The following DIAPH3 variants were observed in gnomAD, a reference collection of about 807,000 sequenced individuals.
DIAPH3 encodes diaphanous related formin 3, also known as protein diaphanous homolog 3.
Under a neutral mutation model 144.3 loss-of-function variants are expected in DIAPH3, and 117 were observed. The observed-to-expected ratio is 0.81, with a 90% CI of 0.70 to 0.95. The LOEUF is 0.95. Among genes scored for constraint, DIAPH3 ranks in the 40% least tolerant of loss-of-function variants. DIAPH3 has a pLI of 0.00. For synonymous variants in DIAPH3, 519 were observed against 488.9 expected (o/e 1.06, Z -0.81); for missense variants, 1,421 against 1,412.7 (o/e 1.01, Z -0.09).
intron 22 of DIAPH3, among the ~76,000 whole-genome samples, chr13:59,839,879 T>C (rs964288774): frequency 6.6e-6 from 1 of 152,242 alleles, no homozygotes; most frequent in Non-Finnish European, 1.5e-5. Flanking sequence ...AAAGTGTTTT[T>C]TATTGTCCAA....
intron 4 of DIAPH3, among the ~76,000 whole-genome samples, chr13:60,070,575 G>A (rs2057166965): frequency 6.6e-6 from 1 of 152,100 alleles, no homozygotes; most frequent in African/African-American, 2.4e-5. Context: ...GGGAGAAAAT[G>A]CCCTGGCATC....
intron 5 of DIAPH3, among the ~76,000 whole-genome samples, chr13:60,020,606 C>G (rs2141018237): frequency 6.6e-6 from 1 of 152,278 alleles, no homozygotes; most frequent in East Asian, 1.9e-4. Context: ...TCAAGCAAAT[C>G]CTCTCACCTT....
intron 20 of DIAPH3, among the ~76,000 whole-genome samples, chr13:59,901,085 T>C (rs1042578779): frequency 6.6e-6 from 1 of 152,230 alleles, no homozygotes; most frequent in Non-Finnish European, 1.5e-5. Context: ...AAATAGCTTG[T>C]TAACCAGTCA....
chr13:59,965,539 TAAAAAAAA>T (rs34273562), intron 17 of DIAPH3, among the ~76,000 whole-genome samples: 1 of 145,278 alleles, frequency 6.9e-6, no homozygotes, highest in African/African-American at 2.5e-5. Flanking sequence ...TCCAATCTGG[TAAAAAAAA>T]AAAAAAAAAT....
intron 20 of DIAPH3, among the ~76,000 whole-genome samples, chr13:59,906,278 CAT>C (rs918420085): frequency 2.0e-5 from 3 of 152,026 alleles, no homozygotes; most frequent in African/African-American, 7.2e-5. Flanking sequence ...ACATGAAAAA[CAT>C]ATTCAAAATA....
chr13:60,079,726 G>A (rs1162395245), intron 4 of DIAPH3, among the ~76,000 whole-genome samples: 2 of 151,810 alleles, frequency 1.3e-5, no homozygotes, highest in Non-Finnish European at 2.9e-5. Context: ...TCTAAAGACA[G>A]GTTGTGAATA....
At chr13:60,002,522 C>T (rs1324153770) in intron 9 of DIAPH3, among the ~76,000 whole-genome samples, 1 of 152,142 alleles carries the variant, frequency 6.6e-6, no homozygotes, top group Non-Finnish European at 1.5e-5. Context: ...CAATAAAATC[C>T]TTTGTTTTTA....
At chr13:59,937,122 C>T (rs967939777) in intron 17 of DIAPH3, among the ~76,000 whole-genome samples, 21 of 150,834 alleles carry the variant, frequency 1.4e-4, no homozygotes, top group Non-Finnish European at 5.9e-5. Flanking sequence ...GAGATTGCAC[C>T]ACTGCACTCC....
chr13:59,890,757 T>C (rs1240382091), intron 20 of DIAPH3, among the ~76,000 whole-genome samples: 1 of 151,990 alleles, frequency 6.6e-6, no homozygotes, highest in Non-Finnish European at 1.5e-5. Context: ...TTACTGTTTC[T>C]TTCCTTTATA....
At chr13:59,904,712 C>G (rs2046635280) in intron 20 of DIAPH3, among the ~76,000 whole-genome samples, 1 of 151,886 alleles carries the variant, frequency 6.6e-6, no homozygotes. Flanking sequence ...ACTTTTAAAA[C>G]CAAACTTCAA....
rs973350866 is a variant in DIAPH3 at position 59,673,162 on chromosome 13, G to A, written c.3320-6316C>T. 3.3e-5 allele frequency among the ~76,000 whole-genome samples: 5 copies of A among 152,270 alleles called. No individual in the cohort carries two copies. In the East Asian group the frequency reaches 5.8e-4, roughly 18 times the overall value. On this transcript the variant is annotated intron_variant, in intron 27 of 27. Transcript: ENST00000400324. ...TTCAGCCTCTAAAGAGAACAGTAAC[G>A]TAAACTCTTCTGTTTGACTGCTTAT...
chr13:60,105,624 T>C (rs1212394480), intron 3 of DIAPH3, among the ~76,000 whole-genome samples: 3 of 152,200 alleles, frequency 2.0e-5, no homozygotes, highest in African/African-American at 7.2e-5. Context: ...CCCTGAATTT[T>C]TCAATTTCTA....
chr13:59,755,131 G>C (rs574520065), intron 27 of DIAPH3, among the ~76,000 whole-genome samples: 1 of 151,952 alleles, frequency 6.6e-6, no homozygotes, highest in Non-Finnish European at 1.5e-5. Context: ...ATTCTCCTTA[G>C]AGTTCAAACT....
intron 18 of DIAPH3, among the ~76,000 whole-genome samples, chr13:59,922,863 T>C (rs547974690): frequency 6.6e-6 from 1 of 152,300 alleles, no homozygotes; most frequent in South Asian, 2.1e-4. Context: ...AATGTTATTC[T>C]GTTTTCTGTA....
At chr13:59,901,041 A>T (rs898682610) in intron 20 of DIAPH3, among the ~76,000 whole-genome samples, 1 of 152,196 alleles carries the variant, frequency 6.6e-6, no homozygotes, top group Non-Finnish European at 1.5e-5. Context: ...CTGTCAAACT[A>T]CCACTAATTC....
At chr13:59,773,760 TTTTGCCAAAATGCCAGTTAAGGTA>T (rs142686705) in intron 27 of DIAPH3, among the ~76,000 whole-genome samples, 4,690 of 152,224 alleles carry the variant, frequency 0.031, 111 homozygotes, top group Non-Finnish European at 0.042. Context: ...ACACTTACCA[TTTTGCCAAAATGCCAGTTAAGGTA>T]TTTCTAACTG....
chr13:59,991,154 T>C lies in DIAPH3; in HGVS notation c.1361+4A>G, dbSNP rs375951107. Reference sequence around the variant, plus strand: ...GAAAACATTAGAATACAACTTCCTCTTACCTTATAAAATAATCATTTCGAA... The same window carrying C: ...GAAAACATTAGAATACAACTTCCTCCTACCTTATAAAATAATCATTTCGAA... On this transcript the variant is annotated splice_donor_region_variant and intron_variant, in intron 12 of 27. Coordinates refer to ENST00000400324, the MANE Select transcript of DIAPH3 (RefSeq NM_001042517.2). The C allele has an allele frequency of 8.4e-6, 13 of 1,547,524 alleles. No homozygotes were observed. The highest frequency in any genetic ancestry group is 9.8e-6 in the Non-Finnish European group (11 of 1,122,512).
At chr13:59,673,606 A>T (rs2032492691) in intron 27 of DIAPH3, among the ~76,000 whole-genome samples, 2 of 152,180 alleles carry the variant, frequency 1.3e-5, no homozygotes, top group Non-Finnish European at 2.9e-5. Flanking sequence ...ATGGGGGTTA[A>T]CCAAGCCAGA....
intron 24 of DIAPH3, among the ~76,000 whole-genome samples, chr13:59,827,704 G>A (rs1310631049): frequency 1.3e-5 from 2 of 151,972 alleles, no homozygotes; most frequent in African/African-American, 4.8e-5. Context: ...CATTAAAGAA[G>A]AGACCATGTA....
Sources: gnomAD v4.1 joint callset for allele counts (sites outside exome capture counted in the v4.1 genomes callset) on GRCh38, gnomAD v4.1.1 for gene constraint, MANE v1.5 for transcripts, NCBI Gene and HGNC (gene_info 2026-07-23, HGNC 2026-07-21) for gene names.